The following ADAMTSL4 variants were observed in gnomAD, a reference collection of about 807,000 sequenced individuals.
ADAMTSL4 encodes the protein ADAMTS like 4.
In ADAMTSL4, 97 loss-of-function variants were observed where a neutral mutation model predicts 122.8. That is an observed-to-expected ratio of 0.79 (90% CI 0.67 to 0.93). The LOEUF (loss-of-function observed/expected upper bound fraction) is 0.93, where lower values mean the gene tolerates loss of function less well. ADAMTSL4 is among the 40% of genes least tolerant of loss of function. The pLI, the probability that ADAMTSL4 is intolerant of heterozygous loss-of-function variation, is 0.00. For missense variants in ADAMTSL4, 1,408 were observed against 1,453.5 expected (o/e 0.97, Z 0.51); for synonymous variants, 592 against 568.0 (o/e 1.04, Z -0.60).
At chr1:150,550,684 G>A in intron 2 of ADAMTSL4, 1 of 452,072 alleles carries the variant, frequency 2.2e-6, no homozygotes, top group Non-Finnish European at 4.5e-6. Flanking sequence ...GGAGATCCTG[G>A]CCTCCCCCGT....
At position 150,553,844 on chromosome 1, in the gene ADAMTSL4, A is replaced by T; in HGVS notation, c.853A>T (p.Ser285Cys). 1 of 1,614,088 alleles carries T rather than the reference A, an allele frequency of 6.2e-7. No individual in the cohort carries two copies. The highest frequency in any genetic ancestry group is 8.5e-7 in the Non-Finnish European group (1 of 1,180,000). ...FRASPQPRRPSSQGWASPQVA... is the reference protein window; with the variant it reads ...FRASPQPRRPCSQGWASPQVA... ...TGCATCCCCTCAGCCACGAAGGCCA[A>T]GTTCCCAGGGTTGGGCCAGTCCCCA... is the stretch of plus-strand genomic sequence containing the variant. Residue 285 changes from serine (S) to cysteine (C), a missense_variant, in exon 6 of 19, where the codon AGT (serine) becomes TGT (cysteine). By Grantham distance (112) the Ser-to-Cys change is moderately radical. Transcript: ENST00000271643.
rs756264451 is a variant in ADAMTSL4 at position 150,559,887 on chromosome 1, C to T, written c.3070C>T (p.Pro1024Ser). 6.2e-7 allele frequency: 1 copy of T among 1,614,040 alleles called. No individual in the cohort carries two copies. Among genetic ancestry groups the T allele is most frequent in the Non-Finnish European group, 8.5e-7 (1 of 1,180,038 alleles). ...PSRKRPCNSQPCSQRPDDQCK... is the reference protein window; with the variant it reads ...PSRKRPCNSQSCSQRPDDQCK... ...CAGGAAGCGCCCCTGTAACAGCCAA[C>T]CCTGCAGCCAGCGCCCTGGTAAAGA... Residue 1024 changes from proline to serine, a missense_variant, in exon 18 of 19, where the codon CCC (proline) becomes TCC (serine). Transcript: ENST00000271643. The surrounding 1 kb of genome is among the most constrained non-coding windows in gnomAD (Gnocchi z 4.1).
chr1:150,556,697 C>A lies in ADAMTSL4; in HGVS notation c.1653C>A (p.Gly551=), dbSNP rs372837755. 2 of 1,613,964 alleles carry A rather than the reference C, an allele frequency of 1.2e-6. No homozygotes were observed. Among genetic ancestry groups the A allele is most frequent in the South Asian group, 1.1e-5 (1 of 91,060 alleles). ...ATCCCCCTGGGTCCTACAGGGCCGG[C>A]GGGACCGTCTTTCGATATAACCGTC... ...AVDPPGSYRA[G]GTVFRYNRPP... is the part of the protein sequence containing the mutation. The change falls in exon 10 of 19, where the codon GGC becomes GGA. Residue 551 remains glycine (G), a synonymous_variant. Transcript: ENST00000271643. This position sits in a 1 kb window ranked among gnomAD's most constrained non-coding sequence, Gnocchi z 4.1.
At chr1:150,557,124 T>G (rs373054896) in intron 11 of ADAMTSL4, 26 bp from the exon 12 acceptor site, 77 of 1,612,918 alleles carry the variant, frequency 4.8e-5, no homozygotes, top group Admixed American at 6.7e-5. Flanking sequence ...TGGGGTGGCA[T>G]CTGATTCGCC....
intron 14 of ADAMTSL4, 114 bp downstream of exon 14, chr1:150,558,263 A>G (rs1201245657): frequency 1.3e-6 from 2 of 1,557,838 alleles, no homozygotes; most frequent in Non-Finnish European, 1.7e-6. Flanking sequence ...ACAGGGTTTC[A>G]TATGGACCCC....
intron 2 of ADAMTSL4, chr1:150,550,730 C>T: frequency 2.2e-6 from 1 of 456,448 alleles, no homozygotes; most frequent in South Asian, 1.5e-5. Flanking sequence ...TAGTGGCCGG[C>T]CCAGCCAGGG....
chr1:150,557,171 C>A lies in ADAMTSL4; in HGVS notation c.1883C>A (p.Pro628Gln). 1 of 1,611,958 alleles carries A rather than the reference C, an allele frequency of 6.2e-7. No individual in the cohort carries two copies. Among genetic ancestry groups the A allele is most frequent in the Non-Finnish European group, 8.5e-7 (1 of 1,179,820 alleles). ...ACAGAGATTCTGAGGGTGGAGCCCCCACTTGCTCCGGCACCCCGCCCAGCC... is the reference window on the plus strand; with the variant it reads ...ACAGAGATTCTGAGGGTGGAGCCCCAACTTGCTCCGGCACCCCGCCCAGCC... Reference protein sequence around the residue: ...LQPEILRVEPPLAPAPRPART... With the variant: ...LQPEILRVEPQLAPAPRPART... Residue 628 changes from proline (P) to glutamine (Q), a missense_variant, in exon 12 of 19, where the codon CCA (proline) becomes CAA (glutamine). Coordinates refer to ENST00000271643, the MANE Select transcript of ADAMTSL4 (RefSeq NM_019032.6).
intron 11 of ADAMTSL4, 41 bp from the exon 12 acceptor site, chr1:150,557,109 G>A (rs1410418526): frequency 1.9e-6 from 3 of 1,613,114 alleles, no homozygotes; most frequent in African/African-American, 2.7e-5. Context: ...GCTGGCTCGG[G>A]GCAGTGGGGT....
rs751124824 is a variant in ADAMTSL4 at position 150,554,077 on chromosome 1, A to G, written c.1086A>G (p.Pro362=). 1.9e-6 allele frequency: 3 copies of G among 1,603,158 alleles called. No individual in the cohort carries two copies. In the East Asian group the frequency reaches 6.7e-5, roughly 36 times the overall value. The change falls in exon 6 of 19, where the codon CCA becomes CCG. Residue 362 remains proline (P), a synonymous_variant. Coordinates refer to ENST00000271643, the MANE Select transcript of ADAMTSL4 (RefSeq NM_019032.6). This position sits in a 1 kb window ranked among gnomAD's most constrained non-coding sequence, Gnocchi z 4.0. ...TCTTTGCTCCCAGTAGCCCTATTCCAAGATGTTCTGGGGAGAGTGAACAGC... is the reference window on the plus strand; with the variant it reads ...TCTTTGCTCCCAGTAGCCCTATTCCGAGATGTTCTGGGGAGAGTGAACAGC... ...WSLFAPSSPI[P]RCSGESEQLR... is the part of the protein sequence containing the mutation.
intron 7 of ADAMTSL4, among the ~76,000 whole-genome samples, chr1:150,555,182 G>T (rs1671897115): frequency 6.6e-6 from 1 of 151,994 alleles, no homozygotes; most frequent in African/African-American, 2.4e-5. Context: ...TGGAGATGGG[G>T]TTTCACCACG....
rs28557455 is a variant in ADAMTSL4, at chr1:150,555,731, A to G, written c.1371+166A>G. On this transcript the variant is annotated intron_variant, in intron 8 of 18. Transcript: ENST00000271643. ...CACATGCACACACGCACACACACAC[A>G]CGCACACACACGCATATGCACACAC... 7.3e-3 allele frequency among the ~76,000 whole-genome samples: 1,090 copies of G among 149,356 alleles called. 8 individuals carry two copies. The highest frequency in any genetic ancestry group is 0.012 in the Non-Finnish European group (787 of 67,922).
Position 150,556,980 on chromosome 1 carries a change from T to G in ADAMTSL4, c.1791T>G (p.Tyr597Ter), listed in dbSNP as rs1047386160. The change falls in exon 11 of 19, where the codon TAT becomes TAG. Residue 597 changes from tyrosine to a stop codon, truncating the protein, a stop_gained. Coordinates refer to ENST00000271643, the MANE Select transcript of ADAMTSL4 (RefSeq NM_019032.6). LOFTEE classifies it high-confidence loss of function. This position sits in a 1 kb window ranked among gnomAD's most constrained non-coding sequence, Gnocchi z 4.1. Reference sequence around the variant, plus strand: ...AAAACCCAGGCGTTTTTTATCAGTATGTCATCTCTTCACCTCCTCCAATCC... The same window carrying G: ...AAAACCCAGGCGTTTTTTATCAGTAGGTCATCTCTTCACCTCCTCCAATCC... ...QEENPGVFYQ[Y>*]VISSPPPILE... 6.2e-7 allele frequency: 1 copy of G among 1,614,024 alleles called. No individual in the cohort carries two copies. The highest frequency in any genetic ancestry group is 1.3e-5 in the African/African-American group (1 of 74,904).
At chr1:150,558,787 G>A in intron 15 of ADAMTSL4, 138 bp downstream of exon 15, 17 of 1,554,412 alleles carry the variant, frequency 1.1e-5, no homozygotes, top group South Asian at 2.3e-5. Flanking sequence ...TCAGAGATAA[G>A]TGAGAACAAC....
At position 150,553,195 on chromosome 1, in the gene ADAMTSL4, C is replaced by T. The variant is rs971960235; in HGVS notation, c.376C>T (p.Arg126Ter). 11 of 1,606,564 alleles carry T rather than the reference C, an allele frequency of 6.8e-6. No individual in the cohort carries two copies. The highest frequency in any genetic ancestry group is 1.1e-5 in the South Asian group (1 of 90,234). ...GTCTCGGGGAAGGGGTGGCCCACTT[C>T]GAGGTCCCGCTTCCCACCTAGGGAG... ...TQSRGRGGPL[R>*]GPASHLGREE... Residue 126 changes from arginine to a stop codon, truncating the protein, a stop_gained, in exon 5 of 19, where the codon CGA becomes TGA. Coordinates refer to ENST00000271643, the MANE Select transcript of ADAMTSL4 (RefSeq NM_019032.6). LOFTEE classifies it high-confidence loss of function.
At position 150,559,259 on chromosome 1, in the gene ADAMTSL4, T is replaced by G. The variant is rs1672544528; in HGVS notation, c.2764-28T>G. On this transcript the variant is annotated intron_variant, in intron 16 of 18. Coordinates refer to ENST00000271643, the MANE Select transcript of ADAMTSL4 (RefSeq NM_019032.6). The surrounding 1 kb of genome is among the most constrained non-coding windows in gnomAD (Gnocchi z 4.1). ...GGGTGCTCTCTGTCCTCCCCTCCCC[T>G]CATCACCCTGCCCTCCCCCTACACT... The G allele has an allele frequency of 6.2e-7, 1 of 1,608,128 alleles. No homozygotes were observed. The highest frequency in any genetic ancestry group is 1.3e-5 in the African/African-American group (1 of 74,696).
chr1:150,550,254 C>T (rs952092205), intron 2 of ADAMTSL4: 2 of 456,360 alleles, frequency 4.4e-6, no homozygotes, highest in African/African-American at 4.0e-5. Flanking sequence ...GGGAACGACA[C>T]CAAATGAGGG....
rs1410984451 is a variant in ADAMTSL4, at chr1:150,549,426, C to A, written c.-232C>A. 6.6e-6 allele frequency: 1 copy of A among 152,286 alleles called. No individual in the cohort carries two copies. Among genetic ancestry groups the A allele is most frequent in the Non-Finnish European group, 1.5e-5 (1 of 67,944 alleles). The allele number at this position is 152,286 out of a possible 1,614,324, so 9.4% of individuals were successfully genotyped here. A position where few individuals can be genotyped will look rare whatever the true frequency, so the allele number is the denominator to read the frequency against. On this transcript the variant is annotated 5_prime_UTR_variant, in exon 1 of 19. Coordinates refer to ENST00000271643, the MANE Select transcript of ADAMTSL4 (RefSeq NM_019032.6). The surrounding 1 kb of genome is among the most constrained non-coding windows in gnomAD (Gnocchi z 5.0). ...GCGGCTCAGGGGCCCCAGTGGCCGC[C>A]GCGGAGCGAGGTTGCCTGGAGAGAG...
chr1:150,552,710 A>G lies in ADAMTSL4; in HGVS notation c.78+110A>G. On this transcript the variant is annotated intron_variant, in intron 4 of 18. Transcript: ENST00000271643. This position sits in a 1 kb window ranked among gnomAD's most constrained non-coding sequence, Gnocchi z 4.0. ...CGCCTCCATTCCCCACAGCCCACCC[A>G]CCTCCCCTGCCAACTCCCCAGTTCC... The G allele has an allele frequency of 7.8e-6, 11 of 1,411,954 alleles. No homozygotes were observed. The highest frequency in any genetic ancestry group is 1.1e-5 in the Non-Finnish European group (11 of 1,028,330). The allele number at this position is 1,411,954 out of a possible 1,614,324, so 87.5% of individuals were successfully genotyped here.
chr1:150,553,156 T>C lies in ADAMTSL4; in HGVS notation c.337T>C (p.Leu113=). The C allele has an allele frequency of 1.2e-6, 2 of 1,611,994 alleles. No individual in the cohort carries two copies. The highest frequency in any genetic ancestry group is 1.7e-6 in the Non-Finnish European group (2 of 1,179,274). Residue 113 remains leucine (L), a synonymous_variant, in exon 5 of 19, where the codon TTG becomes CTG. Coordinates refer to ENST00000271643, the MANE Select transcript of ADAMTSL4 (RefSeq NM_019032.6). ...RPQTSPETLP[L]YRTQSRGRGG... ...CCAGACTTCTCCAGAAACCCTCCCC[T>C]TGTACAGGACACAGTCTCGGGGAAG... is the stretch of plus-strand genomic sequence containing the variant.
Sources: allele counts gnomAD v4.1 joint callset (sites outside exome capture counted in the v4.1 genomes callset), GRCh38; gene constraint gnomAD v4.1.1; non-coding constraint Gnocchi (gnomAD v3.1); transcripts MANE v1.5; gene names NCBI Gene and HGNC (gene_info 2026-07-23, HGNC 2026-07-21).